PBX3: variants seen among roughly 807,000 people sequenced by gnomAD.
The protein encoded by PBX3 is PBX homeobox 3.
In PBX3, 14 loss-of-function variants were observed where a neutral mutation model predicts 48.5. That is an observed-to-expected ratio of 0.29 (90% CI 0.19 to 0.45). The LOEUF is 0.45. Among genes scored for constraint, PBX3 ranks in the 20% least tolerant of loss-of-function variants. PBX3 has a pLI of 1.00. For synonymous variants in PBX3, 210 were observed against 200.3 expected (o/e 1.05, Z -0.41); for missense variants, 386 against 546.7 (o/e 0.71, Z 2.93).
At chr9:125,902,272 A>G (rs983334191) in intron 2 of PBX3, among the ~76,000 whole-genome samples, 1 of 151,670 alleles carries the variant, frequency 6.6e-6, no homozygotes, top group African/African-American at 2.4e-5. Flanking sequence ...GTATGATTAG[A>G]GCATTGACCA....
At chr9:125,929,914 A>G in intron 4 of PBX3, 69 bp downstream of exon 4, 1 of 1,185,476 alleles carries the variant, frequency 8.4e-7, no homozygotes, top group East Asian at 2.3e-5. Flanking sequence ...TATTTTCTGT[A>G]AAACTGACCA....
At chr9:125,831,141 G>A (rs1023836864) in intron 2 of PBX3, among the ~76,000 whole-genome samples, 2 of 152,000 alleles carry the variant, frequency 1.3e-5, no homozygotes, top group Non-Finnish European at 2.9e-5. Context: ...TTTAATTTAC[G>A]CTTCTATTTG....
At chr9:125,910,382 C>T (rs988165804) in intron 2 of PBX3, among the ~76,000 whole-genome samples, 7 of 152,140 alleles carry the variant, frequency 4.6e-5, no homozygotes, top group Admixed American at 3.3e-4. Flanking sequence ...AGGAACTTCA[C>T]TGTAATATAT....
intron 3 of PBX3, among the ~76,000 whole-genome samples, chr9:125,925,293 G>T (rs1318926381): frequency 6.6e-6 from 1 of 152,080 alleles, no homozygotes; most frequent in Non-Finnish European, 1.5e-5. Flanking sequence ...CTGTGCTGTT[G>T]AATATGGCAG....
rs1842520324 is a variant in PBX3, at chr9:125,965,828, C to T, written c.1213-3C>T. 1.2e-6 allele frequency: 2 copies of T among 1,612,042 alleles called. No homozygotes were observed. The highest frequency in any genetic ancestry group is 1.7e-6 in the Non-Finnish European group (2 of 1,178,164). Reference sequence around the variant, plus strand: ...ACCCGTTGAACTGTGTTTCTCCTTTCAGGCTAATGGAGGCTGGCAGGACGC... The same window carrying T: ...ACCCGTTGAACTGTGTTTCTCCTTTTAGGCTAATGGAGGCTGGCAGGACGC... On this transcript the variant is annotated splice_polypyrimidine_tract_variant and splice_region_variant and intron_variant, in intron 8 of 8. Transcript: ENST00000373489.
At chr9:125,769,913 C>A (rs1000480744) in intron 2 of PBX3, among the ~76,000 whole-genome samples, 1 of 152,010 alleles carries the variant, frequency 6.6e-6, no homozygotes, top group Admixed American at 6.6e-5. Flanking sequence ...TTAATTAGCT[C>A]TTAACCACTT....
Position 125,959,717 on chromosome 9 carries a change from C to G in PBX3, c.844-967C>G, listed in dbSNP as rs538816620. 4.6e-5 allele frequency among the ~76,000 whole-genome samples: 7 copies of G among 152,328 alleles called. No individual in the cohort carries two copies. The South Asian group carries it at 1.2e-3, about 27-fold the overall frequency. On this transcript the variant is annotated intron_variant, in intron 5 of 8. Transcript: ENST00000373489. ...AGTGACCCCACCCAGCCTGATATCA[C>G]AGCAATATGCCCCTTTGACAGGATT...
rs529247699 is a variant in PBX3 at position 125,960,826 on chromosome 9, A to G, written c.986A>G (p.Asn329Ser). 46 of 1,613,884 alleles carry G rather than the reference A, an allele frequency of 2.9e-5. 1 individual carries two copies. Among genetic ancestry groups the G allele is most frequent in the African/African-American group, 2.3e-4 (17 of 74,928 alleles). Residue 329 changes from asparagine (N) to serine (S), a missense_variant, in exon 6 of 9, where the codon AAT becomes AGT. Physicochemically the swap from Asn to Ser is conservative, Grantham distance 46. Transcript: ENST00000373489. ...GCAGCTGTGCAGAACAACCAGACCA[A>G]TTCGCCCACCACACCAAATTCCGGT... ...VAAAVQNNQT[N>S]SPTTPNSGSS...
chr9:125,885,065 G>C (rs749465847), intron 2 of PBX3, among the ~76,000 whole-genome samples: 1 of 152,132 alleles, frequency 6.6e-6, no homozygotes, highest in Non-Finnish European at 1.5e-5. Flanking sequence ...AACTGTTAAA[G>C]TAACCCAGAT....
chr9:125,937,642 GC>G (rs2132535615), intron 5 of PBX3, among the ~76,000 whole-genome samples: 1 of 152,194 alleles, frequency 6.6e-6, no homozygotes, highest in South Asian at 2.1e-4. Flanking sequence ...TCTGTTCTAG[GC>G]CTGACAGGTC....
intron 2 of PBX3, among the ~76,000 whole-genome samples, chr9:125,911,271 A>G (rs1219083037): frequency 6.6e-6 from 1 of 152,094 alleles, no homozygotes; most frequent in East Asian, 1.9e-4. Context: ...CAGATAGAAA[A>G]TTATTTTACC....
intron 2 of PBX3, among the ~76,000 whole-genome samples, chr9:125,782,556 T>TA (rs1383781084): frequency 6.6e-6 from 1 of 152,246 alleles, no homozygotes; most frequent in East Asian, 1.9e-4. Context: ...TGCATTTGCC[T>TA]TTTATTTATA....
chr9:125,790,019 A>C (rs755497851), intron 2 of PBX3, among the ~76,000 whole-genome samples: 2 of 152,196 alleles, frequency 1.3e-5, no homozygotes, highest in Non-Finnish European at 2.9e-5. Context: ...TTGTAGATGT[A>C]ACTAAACTGA....
At chr9:125,857,227 G>C (rs1283349215) in intron 2 of PBX3, among the ~76,000 whole-genome samples, 8 of 152,084 alleles carry the variant, frequency 5.3e-5, no homozygotes, top group Non-Finnish European at 1.2e-4. Flanking sequence ...GGGACCAGAA[G>C]TATTTTTGGA....
chr9:125,843,548 T>C (rs1839342379), intron 2 of PBX3, among the ~76,000 whole-genome samples: 1 of 152,112 alleles, frequency 6.6e-6, no homozygotes, highest in African/African-American at 2.4e-5. Context: ...GGATGCACAT[T>C]ATCTTTATCT....
intron 2 of PBX3, among the ~76,000 whole-genome samples, chr9:125,867,758 A>G (rs555177379): frequency 1.3e-5 from 2 of 151,668 alleles, no homozygotes; most frequent in South Asian, 4.2e-4. Flanking sequence ...CTCTCTATAT[A>G]TATATACACA....
rs537895393 is a variant in PBX3, at chr9:125,966,903, CTT to C, written c.*982_*983del. 140 of 152,672 alleles carry C rather than the reference CTT, an allele frequency of 9.2e-4. No homozygotes were observed. The highest frequency in any genetic ancestry group is 3.1e-3 in the African/African-American group (127 of 41,524). The allele number at this position is 152,672 out of a possible 1,614,324, so 9.5% of individuals were successfully genotyped here. The stretch of plus-strand genomic sequence containing the variant: ...ATCTTTTTGCATCTTGTAATTAACT[CTT>C]TGTTTCCCTTCATAAAATGTAATGT... On this transcript the variant is annotated 3_prime_UTR_variant, in exon 9 of 9. Transcript: ENST00000373489.
At chr9:125,843,912 A>G (rs1839356000) in intron 2 of PBX3, 1 of 381,194 alleles carries the variant, frequency 2.6e-6, no homozygotes, top group Non-Finnish European at 5.4e-6. Context: ...GTATGGAGAG[A>G]TGAGGTGAGA....
At chr9:125,787,057 C>T (rs1315495903) in intron 2 of PBX3, among the ~76,000 whole-genome samples, 4 of 150,956 alleles carry the variant, frequency 2.6e-5, no homozygotes, top group African/African-American at 7.3e-5. Flanking sequence ...TTTATTTTTT[C>T]GAGACAGGGT....
Sources: gnomAD v4.1 joint callset for allele counts (sites outside exome capture counted in the v4.1 genomes callset) on GRCh38, gnomAD v4.1.1 for gene constraint, MANE v1.5 for transcripts, NCBI Gene and HGNC (gene_info 2026-07-23, HGNC 2026-07-21) for gene names.